VAPA: variants seen among roughly 807,000 people sequenced by gnomAD.
The protein encoded by VAPA is VAMP associated protein A, also known as vesicle-associated membrane protein-associated protein A.
A neutral mutation model predicts 25.6 loss-of-function variants in VAPA; 6 were observed. The ratio of observed to expected loss-of-function variants is 0.23; its 90% CI spans 0.13 to 0.46. VAPA has a LOEUF of 0.46. Among genes scored for constraint, VAPA ranks in the 20% least tolerant of loss-of-function variants. The pLI is 0.99. For missense variants in VAPA, 244 were observed against 302.1 expected (o/e 0.81, Z 1.43); for synonymous variants, 112 against 106.2 (o/e 1.05, Z -0.34).
intron 4 of VAPA, among the ~76,000 whole-genome samples, chr18:9,939,194 C>T (rs1421776229): frequency 1.4e-5 from 2 of 139,742 alleles, no homozygotes; most frequent in African/African-American, 2.7e-5. Context: ...TTTTTTGAGA[C>T]GGAGTCTTGC....
intron 4 of VAPA, among the ~76,000 whole-genome samples, chr18:9,939,321 G>A (rs1017202255): frequency 6.6e-6 from 1 of 151,730 alleles, no homozygotes; most frequent in Admixed American, 6.6e-5. Context: ...ACAGGTGCAC[G>A]CCTGGCTAAT....
chr18:9,930,702 A>ATTTT (rs1441105892), intron 1 of VAPA, among the ~76,000 whole-genome samples: 165 of 150,366 alleles, frequency 1.1e-3, no homozygotes, highest in African/African-American at 3.9e-3. Context: ...TTTTTTTTAA[A>ATTTT]AAAAAAATGC....
intron 1 of VAPA, among the ~76,000 whole-genome samples, chr18:9,930,030 A>G (rs1199918911): frequency 1.3e-5 from 2 of 152,000 alleles, no homozygotes; most frequent in Non-Finnish European, 2.9e-5. Flanking sequence ...AATTCGTACA[A>G]CTCTTGTAGA....
chr18:9,934,697 G>A (rs1599106661), intron 2 of VAPA, among the ~76,000 whole-genome samples: 1 of 151,886 alleles, frequency 6.6e-6, no homozygotes, highest in Non-Finnish European at 1.5e-5. Flanking sequence ...TACATATTTT[G>A]TGTAACTGTT....
Position 9,914,205 on chromosome 18 carries a change from C to T in VAPA, c.-52C>T. 6.6e-7 allele frequency: 1 copy of T among 1,514,364 alleles called. No homozygotes were observed. Among genetic ancestry groups the T allele is most frequent in the South Asian group, 1.2e-5 (1 of 83,530 alleles). The allele number at this position is 1,514,364 out of a possible 1,614,324, so 93.8% of individuals were successfully genotyped here. A position where few individuals can be genotyped will look rare whatever the true frequency, so the allele number is the denominator to read the frequency against. ...CGTCGCCGCCGTCGTCCCCCGCCCC[C>T]AGTCAGCAAACCGCCGCCGCGGGCG... On this transcript the variant is annotated 5_prime_UTR_variant, in exon 1 of 6. Transcript: ENST00000400000.
intron 1 of VAPA, among the ~76,000 whole-genome samples, chr18:9,917,202 A>G (rs1599094427): frequency 6.6e-6 from 1 of 152,344 alleles, no homozygotes; most frequent in South Asian, 2.1e-4. Flanking sequence ...GAAACTTGGT[A>G]TTTTATGTGA....
At position 9,955,621 on chromosome 18, in the gene VAPA, G is replaced by A. The variant is rs1421506937; in HGVS notation, c.*1410G>A. 6.6e-6 allele frequency: 1 copy of A among 152,178 alleles called. No individual in the cohort carries two copies. Among genetic ancestry groups the A allele is most frequent in the African/African-American group, 2.4e-5 (1 of 41,442 alleles). The allele number at this position is 152,178 out of a possible 1,614,324, so 9.4% of individuals were successfully genotyped here. ...ATTGGATTTTAGAACTGGATGTGGT[G>A]CAGTGAAGTATTTTAGGCCCAGGTC... On this transcript the variant is annotated 3_prime_UTR_variant, in exon 6 of 6. Transcript: ENST00000400000.
At chr18:9,952,672 G>T (rs983199644) in intron 5 of VAPA, among the ~76,000 whole-genome samples, 2 of 151,588 alleles carry the variant, frequency 1.3e-5, no homozygotes, top group Non-Finnish European at 2.9e-5. Flanking sequence ...TCTTGCTCCT[G>T]TCTGTTCACT....
intron 1 of VAPA, among the ~76,000 whole-genome samples, chr18:9,917,048 C>T (rs998504731): frequency 7.9e-5 from 12 of 152,160 alleles, no homozygotes; most frequent in Non-Finnish European, 1.5e-4. Context: ...TTGTTTTATA[C>T]AGTCGTTAAC....
chr18:9,941,776 TA>T (rs1439272209), intron 4 of VAPA, among the ~76,000 whole-genome samples: 1 of 152,188 alleles, frequency 6.6e-6, no homozygotes, highest in Non-Finnish European at 1.5e-5. Context: ...GATGAATTGA[TA>T]AAATGCTGTA....
chr18:9,936,336 C>T (rs2069309905), intron 3 of VAPA, 123 bp downstream of exon 3: 1 of 525,248 alleles, frequency 1.9e-6, no homozygotes. Flanking sequence ...TAAAAAACTG[C>T]CAATTTCTTC....
Position 9,932,974 on chromosome 18 carries a change from G to C in VAPA, c.232+1012G>C, listed in dbSNP as rs188701578. Among the ~76,000 whole-genome samples the C allele has an allele frequency of 1.8e-4, 27 of 152,208 alleles. 1 individual carries two copies. In the East Asian group the frequency reaches 3.5e-3, roughly 20 times the overall value. On this transcript the variant is annotated intron_variant, in intron 2 of 5. Coordinates refer to ENST00000400000, the MANE Select transcript of VAPA (RefSeq NM_194434.3). Reference sequence around the variant, plus strand: ...ATACAAAAAATTAGTCGGGTGTGGTGGTGGGCGCCTGTAGTCCCAGCTACT... The same window carrying C: ...ATACAAAAAATTAGTCGGGTGTGGTCGTGGGCGCCTGTAGTCCCAGCTACT...
chr18:9,954,000 C>CT, intron 5 of VAPA, 53 bp from the exon 6 acceptor site: 1 of 1,602,356 alleles, frequency 6.2e-7, no homozygotes, highest in Admixed American at 1.7e-5. Context: ...CTCCAGTAGT[C>CT]TCGTTAGTAT....
intron 5 of VAPA, chr18:9,951,477 A>G (rs558066937): frequency 1.4e-4 from 21 of 152,372 alleles, no homozygotes; most frequent in Middle Eastern, 3.4e-3. Flanking sequence ...CTTGGTGGCA[A>G]GGGCAGTGCT....
Position 9,944,790 on chromosome 18 carries a change from T to G in VAPA, c.418-5605T>G, listed in dbSNP as rs533621239. 10 of 1,107,592 alleles carry G rather than the reference T, an allele frequency of 9.0e-6. No homozygotes were observed. The Admixed American group carries it at 2.3e-4, about 26-fold the overall frequency. 68.6% of individuals were successfully genotyped at this position (1,107,592 alleles called of 1,614,324 possible). ...ACATAGCTATTATTAGTATTGTTTC[T>G]TATGCATTAATGCATTTTTATAAAG... On this transcript the variant is annotated intron_variant, in intron 4 of 5. Coordinates refer to ENST00000400000, the MANE Select transcript of VAPA (RefSeq NM_194434.3).
chr18:9,947,776 C>T (rs996574221), intron 4 of VAPA: 2 of 152,088 alleles, frequency 1.3e-5, no homozygotes, highest in Non-Finnish European at 2.9e-5. Flanking sequence ...AATAGAGGTC[C>T]TGGATGGAAG....
intron 4 of VAPA, among the ~76,000 whole-genome samples, chr18:9,942,232 A>T (rs1242906691): frequency 1.3e-5 from 2 of 152,212 alleles, no homozygotes; most frequent in African/African-American, 2.4e-5. Flanking sequence ...CAGTCAAGCT[A>T]ATTAACCTAT....
Position 9,959,365 on chromosome 18 carries a change from GAGA to G in VAPA, c.*5160_*5162del, listed in dbSNP as rs940593156. On this transcript the variant is annotated 3_prime_UTR_variant, in exon 6 of 6. Coordinates refer to ENST00000400000, the MANE Select transcript of VAPA (RefSeq NM_194434.3). ...TTCCCCCTTTATCTCCCAGAAAATT[GAGA>G]AGAAGTAAACTCCTGCCCACTAACA... 2 of 152,058 alleles carry G rather than the reference GAGA, an allele frequency of 1.3e-5. No individual in the cohort carries two copies. Among genetic ancestry groups the G allele is most frequent in the African/African-American group, 2.4e-5 (1 of 41,394 alleles). The allele number at this position is 152,058 out of a possible 1,614,324, so 9.4% of individuals were successfully genotyped here. A position where few individuals can be genotyped will look rare whatever the true frequency, so the allele number is the denominator to read the frequency against.
chr18:9,935,475 G>C (rs1318686849), intron 2 of VAPA, among the ~76,000 whole-genome samples: 3 of 152,212 alleles, frequency 2.0e-5, no homozygotes, highest in African/African-American at 4.8e-5. Flanking sequence ...TTAGGAGCCT[G>C]AAGTGGGAGG....
Sources: allele counts gnomAD v4.1 joint callset (sites outside exome capture counted in the v4.1 genomes callset), GRCh38; gene constraint gnomAD v4.1.1; transcripts MANE v1.5; gene names NCBI Gene and HGNC (gene_info 2026-07-23, HGNC 2026-07-21).